Variants in COL19A1 observed in about 807,000 individuals in gnomAD.
COL19A1 encodes the protein collagen alpha-1(XIX) chain.
In COL19A1, 159 loss-of-function variants were observed where a neutral mutation model predicts 190.2. The ratio of observed to expected loss-of-function variants is 0.84; its 90% confidence interval spans 0.73 to 0.95. The LOEUF (loss-of-function observed/expected upper bound fraction) is 0.95, where lower values mean the gene tolerates loss of function less well. COL19A1 is among the 40% of genes least tolerant of loss of function. The pLI, the probability that COL19A1 is intolerant of heterozygous loss-of-function variation, is 0.00. For synonymous variants in COL19A1, 509 were observed against 458.9 expected, an observed-to-expected ratio of 1.11 and a Z score of -1.39; for missense variants, 1,418 against 1,431.9, an observed-to-expected ratio of 0.99 and a Z score of 0.16.
chr6:69,936,514 A>T (rs910776634), intron 7 of COL19A1, among the ~76,000 whole-genome samples: 2 of 152,142 alleles, frequency 1.3e-5, no homozygotes, highest in Non-Finnish European at 2.9e-5. Flanking sequence ...TGTACTTATC[A>T]AAAAGTTACC....
intron 14 of COL19A1, among the ~76,000 whole-genome samples, chr6:70,047,224 G>A (rs1479380899): frequency 1.3e-5 from 2 of 152,044 alleles, no homozygotes; most frequent in Non-Finnish European, 2.9e-5. Flanking sequence ...CTGATTGTGA[G>A]AAAACTAAAT....
intron 4 of COL19A1, among the ~76,000 whole-genome samples, chr6:69,923,341 GA>G (rs1403754177): frequency 6.6e-6 from 1 of 152,116 alleles, no homozygotes; most frequent in Non-Finnish European, 1.5e-5. Context: ...GAATCACAGT[GA>G]AAACTAGCTG....
At chr6:70,109,923 T>C (rs1245048870) in intron 16 of COL19A1, among the ~76,000 whole-genome samples, 1 of 152,166 alleles carries the variant, frequency 6.6e-6, no homozygotes, top group Non-Finnish European at 1.5e-5. Flanking sequence ...TGAAAATACA[T>C]ACCCTCAAAA....
intron 9 of COL19A1, among the ~76,000 whole-genome samples, chr6:69,950,376 A>G (rs1582498700): frequency 6.6e-6 from 1 of 152,026 alleles, no homozygotes; most frequent in Admixed American, 6.6e-5. Flanking sequence ...TGCAGTAGAC[A>G]TTCTTAATCT....
chr6:70,184,302 C>T (rs755467386), intron 44 of COL19A1, among the ~76,000 whole-genome samples: 2 of 152,188 alleles, frequency 1.3e-5, no homozygotes, highest in African/African-American at 2.4e-5. Flanking sequence ...CTCCAGCCAC[C>T]TATGCCATGA....
chr6:70,140,878 AG>A, intron 19 of COL19A1, 75 bp from the exon 20 acceptor site: 1 of 1,401,052 alleles, frequency 7.1e-7, no homozygotes, highest in Non-Finnish European at 1.0e-6. Flanking sequence ...TTTGGCCTAT[AG>A]GGTTTATCCA....
intron 34 of COL19A1, 27 bp from the exon 35 acceptor site, chr6:70,161,873 T>C: frequency 6.3e-7 from 1 of 1,592,062 alleles, no homozygotes; most frequent in Non-Finnish European, 8.5e-7. Context: ...ATATAACAGA[T>C]TTTATGATGG....
Position 70,156,677 on chromosome 6 carries a change from A to G in COL19A1, c.2246A>G (p.Lys749Arg), listed in dbSNP as rs1426893950. The change falls in exon 34 of 51, where the codon AAA becomes AGA. Residue 749 changes from lysine to arginine, a missense_variant. Physicochemically the swap from Lys to Arg is conservative, Grantham distance 26. Coordinates refer to ENST00000620364, the MANE Select transcript of COL19A1 (RefSeq NM_001858.6). ...IPGREGPKGS[K>R]GERGYPGIPG... Reference sequence around the variant, plus strand: ...AATGTATTGTCTTTTTAGGGAAGCAAAGGAGAGCGGGGCTACCCTGGGATA... The same window carrying G: ...AATGTATTGTCTTTTTAGGGAAGCAGAGGAGAGCGGGGCTACCCTGGGATA... 1 of 1,611,780 alleles carries G rather than the reference A, an allele frequency of 6.2e-7. No homozygotes were observed. The highest frequency in any genetic ancestry group is 1.7e-5 in the Admixed American group (1 of 59,816).
intron 15 of COL19A1, among the ~76,000 whole-genome samples, chr6:70,086,940 A>T (rs1782626526): frequency 6.6e-6 from 1 of 152,202 alleles, no homozygotes; most frequent in African/African-American, 2.4e-5. Flanking sequence ...AATGGACACA[A>T]TAGACTGGGA....
chr6:70,024,612 T>TGTGG (rs545680023), intron 12 of COL19A1, among the ~76,000 whole-genome samples: 1 of 131,766 alleles, frequency 7.6e-6, no homozygotes, highest in African/African-American at 2.7e-5. Flanking sequence ...TGTGTGTGTG[T>TGTGG]GTGGGTGTGT....
At chr6:70,204,839 T>C (rs991330384) in intron 49 of COL19A1, among the ~76,000 whole-genome samples, 1 of 152,174 alleles carries the variant, frequency 6.6e-6, no homozygotes, top group Non-Finnish European at 1.5e-5. Context: ...TAGTGGGACC[T>C]GAGTTAAACT....
intron 9 of COL19A1, among the ~76,000 whole-genome samples, chr6:69,959,381 A>C (rs891044756): frequency 1.3e-5 from 2 of 152,142 alleles, no homozygotes; most frequent in African/African-American, 4.8e-5. Context: ...ACACACACAC[A>C]CACATATATA....
intron 4 of COL19A1, among the ~76,000 whole-genome samples, chr6:69,900,626 T>C (rs1196091068): frequency 6.6e-6 from 1 of 152,104 alleles, no homozygotes; most frequent in East Asian, 1.9e-4. Context: ...AAAGTAGACA[T>C]AACCAATATT....
intron 2 of COL19A1, chr6:69,890,251 C>A (rs1769255549): frequency 2.0e-5 from 3 of 152,230 alleles, no homozygotes; most frequent in Admixed American, 2.0e-4. Flanking sequence ...GAATTCCATT[C>A]CTAACTGTCT....
At chr6:70,007,196 T>A (rs1777687981) in intron 11 of COL19A1, among the ~76,000 whole-genome samples, 1 of 152,120 alleles carries the variant, frequency 6.6e-6, no homozygotes, top group Non-Finnish European at 1.5e-5. Context: ...GATTTATGAA[T>A]CAAAGTTAAT....
At chr6:70,075,777 G>T (rs554417342) in intron 15 of COL19A1, among the ~76,000 whole-genome samples, 6 of 148,636 alleles carry the variant, frequency 4.0e-5, no homozygotes, top group African/African-American at 1.5e-4. Context: ...GGCTGTCAAT[G>T]AGAAAAAAAA....
chr6:70,138,629 G>A (rs570018132), intron 19 of COL19A1, among the ~76,000 whole-genome samples: 3 of 152,134 alleles, frequency 2.0e-5, no homozygotes, highest in African/African-American at 7.2e-5. Flanking sequence ...TGACAAACAG[G>A]AACATTATTT....
intron 1 of COL19A1, among the ~76,000 whole-genome samples, chr6:69,875,228 A>G (rs547141175): frequency 1.3e-5 from 2 of 152,310 alleles, no homozygotes; most frequent in Non-Finnish European, 2.9e-5. Context: ...TGAGGTTGAA[A>G]ACAGCCTGGC....
intron 16 of COL19A1, among the ~76,000 whole-genome samples, chr6:70,109,699 G>A (rs1183852671): frequency 2.0e-5 from 3 of 151,996 alleles, no homozygotes; most frequent in Non-Finnish European, 4.4e-5. Context: ...TGAGTGGACG[G>A]GGAATAGGCT....
Sources: allele counts gnomAD v4.1 joint callset (sites outside exome capture counted in the v4.1 genomes callset), GRCh38; gene constraint gnomAD v4.1.1; transcripts MANE v1.5; gene names NCBI Gene and HGNC (gene_info 2026-07-23, HGNC 2026-07-21).